SAMD11: variants seen among roughly 807,000 people sequenced by gnomAD.
SAMD11 encodes the protein sterile alpha motif domain containing 11.
Under a neutral mutation model 64.4 loss-of-function variants are expected in SAMD11, and 77 were observed. That is an observed-to-expected ratio of 1.20 (90% CI 0.99 to 1.44). SAMD11 has a LOEUF of 1.44. SAMD11 is among the 40% of genes most tolerant of loss of function. The probability of loss-of-function intolerance (pLI) is 0.00; values close to 1 mark genes in which losing one functional copy is unlikely to be tolerated. For missense variants in SAMD11, 1,402 were observed against 943.3 expected, an observed-to-expected ratio of 1.49 and a Z score of -6.37; for synonymous variants, 658 against 421.9, an observed-to-expected ratio of 1.56 and a Z score of -6.86.
chr1:942,605 G>A lies in SAMD11; in HGVS notation c.1600G>A (p.Ala534Thr). The A allele has an allele frequency of 7.0e-7, 1 of 1,435,770 alleles. No homozygotes were observed. Among genetic ancestry groups the A allele is most frequent in the Non-Finnish European group, 9.1e-7 (1 of 1,102,206 alleles). The allele number at this position is 1,435,770 out of a possible 1,614,324, so 88.9% of individuals were successfully genotyped here. ...DLLRQKELES[A>T]RPQLLAPETA... Reference sequence around the variant, plus strand: ...CCTGCGGCAGAAGGAGCTGGAGAGCGCGCGCCCACAGCTGCTGGCGCCCGA... The same window carrying A: ...CCTGCGGCAGAAGGAGCTGGAGAGCACGCGCCCACAGCTGCTGGCGCCCGA... Residue 534 changes from alanine to threonine, a missense_variant, in exon 11 of 14, where the codon GCG (alanine) becomes ACG (threonine). Transcript: ENST00000616016.
At chr1:927,089 G>A (rs955788365) in intron 2 of SAMD11, among the ~76,000 whole-genome samples, 9 of 152,160 alleles carry the variant, frequency 5.9e-5, no homozygotes, top group Non-Finnish European at 1.0e-4. Context: ...AGGGGACACA[G>A]CCGCACCTCA....
At position 942,190 on chromosome 1, in the gene SAMD11, C is replaced by T. The variant is rs747301919; in HGVS notation, c.1413C>T (p.Ala471=). ...CGCCGCAGAATGCCCCTCACGTCGC[C>T]CTGGGCCCCCATCTCAGGCCCCCCT... ...LLSPQNAPHV[A]LGPHLRPPFL... Residue 471 remains alanine (A), a synonymous_variant, in exon 9 of 14, where the codon GCC becomes GCT. Transcript: ENST00000616016. The T allele has an allele frequency of 2.0e-5, 28 of 1,397,894 alleles. No individual in the cohort carries two copies. Among genetic ancestry groups the T allele is most frequent in the Admixed American group, 5.6e-5 (2 of 35,764 alleles). 86.6% of individuals were successfully genotyped at this position (1,397,894 alleles called of 1,614,324 possible).
intron 4 of SAMD11, among the ~76,000 whole-genome samples, chr1:931,462 G>A (rs773664544): frequency 9.8e-5 from 15 of 152,320 alleles, no homozygotes; most frequent in Middle Eastern, 3.4e-3. Flanking sequence ...AGACCCACAA[G>A]GAGGTGAGAA....
At position 924,279 on chromosome 1, in the gene SAMD11, C is replaced by T. The variant is rs945778316; in HGVS notation, c.-153C>T. On this transcript the variant is annotated 5_prime_UTR_variant, in exon 1 of 14. Transcript: ENST00000616016. ...GTCCGGGGAGGCCTGGCGGGCGGCG[C>T]GTAGGCGGCGGCTGCGGGCGCCGGG... 2.1e-4 allele frequency: 31 copies of T among 149,800 alleles called. No individual in the cohort carries two copies. Among genetic ancestry groups the T allele is most frequent in the African/African-American group, 6.1e-4 (25 of 41,202 alleles). The allele number at this position is 149,800 out of a possible 1,614,324, so 9.3% of individuals were successfully genotyped here. A position where few individuals can be genotyped will look rare whatever the true frequency, so the allele number is the denominator to read the frequency against.
At position 924,903 on chromosome 1, in the gene SAMD11, G is replaced by T. The variant is rs1485930425; in HGVS notation, c.472G>T (p.Gly158Cys). 6.6e-6 allele frequency: 1 copy of T among 152,212 alleles called. No homozygotes were observed. The highest frequency in any genetic ancestry group is 1.5e-5 in the Non-Finnish European group (1 of 68,032). 9.4% of individuals were successfully genotyped at this position (152,212 alleles called of 1,614,324 possible). Reference protein sequence around the residue: ...LTPNEFQFVSGRETAKDWKRS... With the variant: ...LTPNEFQFVSCRETAKDWKRS... ...GCCCAACGAGTTCCAGTTCGTCAGC[G>T]GCCGCGAGACGGCCAAGGACTGGAA... Residue 158 changes from glycine (G) to cysteine (C), a missense_variant, in exon 1 of 14, where the codon GGC becomes TGC. Gly to Cys is a radical substitution (Grantham distance 159). Transcript: ENST00000616016.
intron 5 of SAMD11, among the ~76,000 whole-genome samples, chr1:936,942 C>T (rs1012997946): frequency 1.3e-5 from 2 of 152,208 alleles, no homozygotes; most frequent in Non-Finnish European, 2.9e-5. Flanking sequence ...CAGGTACACG[C>T]GTGTGCGTGT....
chr1:940,302 C>CCCCCCG (rs1553159951), intron 7 of SAMD11: 4 of 143,326 alleles, frequency 2.8e-5, no homozygotes, highest in Non-Finnish European at 6.4e-5. Flanking sequence ...CGCCGCCCCC[C>CCCCCCG]CCCCCCGCCC....
At chr1:927,359 C>A (rs1640943427) in intron 2 of SAMD11, among the ~76,000 whole-genome samples, 1 of 152,162 alleles carries the variant, frequency 6.6e-6, no homozygotes, top group Non-Finnish European at 1.5e-5. Flanking sequence ...GTGGGGAGCA[C>A]ACAGCCTGAG....
intron 12 of SAMD11, 65 bp from the exon 13 acceptor site, chr1:943,633 G>C (rs1329016226): frequency 2.1e-6 from 3 of 1,436,388 alleles, no homozygotes; most frequent in Admixed American, 2.8e-5. Context: ...AGCTCCTCTT[G>C]GCTCTGCTGG....
chr1:942,562 G>A lies in SAMD11; in HGVS notation c.1557G>A (p.Leu519=). ...CCCGCGTCTGCCCCCGGCCCAGGCTGGAGCTGCCCGCCGACCTCCTGCGGC... is the reference window on the plus strand; with the variant it reads ...CCCGCGTCTGCCCCCGGCCCAGGCTAGAGCTGCCCGCCGACCTCCTGCGGC... ...ELLRKQNLAR[L]ELPADLLRQK... The change falls in exon 11 of 14, where the codon CTG becomes CTA. Residue 519 remains leucine, a synonymous_variant. Transcript: ENST00000616016. 1 of 1,401,580 alleles carries A rather than the reference G, an allele frequency of 7.1e-7. No individual in the cohort carries two copies. Among genetic ancestry groups the A allele is most frequent in the Non-Finnish European group, 9.2e-7 (1 of 1,087,324 alleles). The allele number at this position is 1,401,580 out of a possible 1,614,324, so 86.8% of individuals were successfully genotyped here.
chr1:927,022 C>T (rs1472165837), intron 2 of SAMD11, among the ~76,000 whole-genome samples: 3 of 152,158 alleles, frequency 2.0e-5, no homozygotes, highest in Non-Finnish European at 4.4e-5. Context: ...TGGGCGGCTG[C>T]AGACACACCT....
Position 942,585 on chromosome 1 carries a change from G to A in SAMD11, c.1580G>A (p.Arg527Gln), listed in dbSNP as rs1297360014. Residue 527 changes from arginine (R) to glutamine (Q), a missense_variant, in exon 11 of 14, where the codon CGG (arginine) becomes CAG (glutamine). Physicochemically the swap from Arg to Gln is conservative, Grantham distance 43. Transcript: ENST00000616016. ...CTGGAGCTGCCCGCCGACCTCCTGCGGCAGAAGGAGCTGGAGAGCGCGCGC... is the reference window on the plus strand; with the variant it reads ...CTGGAGCTGCCCGCCGACCTCCTGCAGCAGAAGGAGCTGGAGAGCGCGCGC... ...ARLELPADLLRQKELESARPQ... is the reference protein window; with the variant it reads ...ARLELPADLLQQKELESARPQ... The A allele has an allele frequency of 1.4e-6, 2 of 1,417,152 alleles. No homozygotes were observed. The highest frequency in any genetic ancestry group is 1.8e-6 in the Non-Finnish European group (2 of 1,094,230). 87.8% of individuals were successfully genotyped at this position (1,417,152 alleles called of 1,614,324 possible).
At position 944,511 on chromosome 1, in the gene SAMD11, C is replaced by A; in HGVS notation, c.*358C>A. 1.6e-6 allele frequency: 1 copy of A among 615,780 alleles called. No individual in the cohort carries two copies. Among genetic ancestry groups the A allele is most frequent in the Non-Finnish European group, 2.7e-6 (1 of 365,054 alleles). 38.1% of individuals were successfully genotyped at this position (615,780 alleles called of 1,614,324 possible). ...TGTGGGGCTTCAGCAGCCACACCAG[C>A]CCAGCCCAGCCCAGCTCTCGATACG... On this transcript the variant is annotated 3_prime_UTR_variant, in exon 14 of 14. Coordinates refer to ENST00000616016, the MANE Select transcript of SAMD11 (RefSeq NM_001385641.1).
At chr1:935,614 T>G (rs1043587742) in intron 4 of SAMD11, among the ~76,000 whole-genome samples, 158 bp from the exon 5 acceptor site, 2 of 152,160 alleles carry the variant, frequency 1.3e-5, no homozygotes, top group African/African-American at 4.8e-5. Context: ...GTGCACACAG[T>G]GGCGTCACGG....
chr1:926,438 G>A (rs1223272289), intron 2 of SAMD11, among the ~76,000 whole-genome samples: 1 of 152,208 alleles, frequency 6.6e-6, no homozygotes, highest in Non-Finnish European at 1.5e-5. Context: ...ATTTTGGGGA[G>A]CTACAGGCTT....
At chr1:927,854 C>G (rs1194284782) in intron 2 of SAMD11, among the ~76,000 whole-genome samples, 2 of 152,242 alleles carry the variant, frequency 1.3e-5, no homozygotes, top group Non-Finnish European at 2.9e-5. Context: ...TGTCCTGGTC[C>G]TCAGCACCCC....
intron 7 of SAMD11, 107 bp downstream of exon 7, chr1:939,519 C>T (rs1641637192): frequency 1.3e-6 from 2 of 1,558,454 alleles, no homozygotes; most frequent in Non-Finnish European, 1.7e-6. Flanking sequence ...ATGTACTCGG[C>T]CATTCCTGTT....
chr1:944,167 A>G lies in SAMD11; in HGVS notation c.*14A>G, dbSNP rs1337462764. On this transcript the variant is annotated 3_prime_UTR_variant, in exon 14 of 14. Transcript: ENST00000616016. The stretch of plus-strand genomic sequence containing the variant: ...CCTCTGTGTTGAGGTTGCCGGGGGT[A>G]GGGGTGGGGCCACACAAATCTCCAG... 2.0e-6 allele frequency: 3 copies of G among 1,532,830 alleles called. No homozygotes were observed. Among genetic ancestry groups the G allele is most frequent in the Non-Finnish European group, 2.6e-6 (3 of 1,138,936 alleles). 95.0% of individuals were successfully genotyped at this position (1,532,830 alleles called of 1,614,324 possible). A position where few individuals can be genotyped will look rare whatever the true frequency, so the allele number is the denominator to read the frequency against.
rs1640790622 is a variant in SAMD11 at position 924,504 on chromosome 1, C to T, written c.73C>T (p.Leu25=). 6.7e-6 allele frequency: 1 copy of T among 149,952 alleles called. No homozygotes were observed. The highest frequency in any genetic ancestry group is 1.5e-5 in the Non-Finnish European group (1 of 66,960). 9.3% of individuals were successfully genotyped at this position (149,952 alleles called of 1,614,324 possible). A position where few individuals can be genotyped will look rare whatever the true frequency, so the allele number is the denominator to read the frequency against. ...GGCTCTGGCCACGTTCCACCCGACC[C>T]TGGCCGCGCTGCCGCTGCCGCCGCT... is the stretch of plus-strand genomic sequence containing the variant. ...ALALATFHPT[L]AALPLPPLPG... The change falls in exon 1 of 14, where the codon CTG becomes TTG. Residue 25 remains leucine, a synonymous_variant. Transcript: ENST00000616016.
Sources: allele counts gnomAD v4.1 joint callset (sites outside exome capture counted in the v4.1 genomes callset), GRCh38; gene constraint gnomAD v4.1.1; transcripts MANE v1.5; gene names NCBI Gene and HGNC (gene_info 2026-07-23, HGNC 2026-07-21).